Variants in DOCK3 observed in about 807,000 individuals in gnomAD.
The protein encoded by DOCK3 is dedicator of cytokinesis 3.
DOCK3 carries 60 observed loss-of-function variants against 265.6 expected under a neutral mutation model. That is an observed-to-expected ratio of 0.23 (90% CI 0.18 to 0.28). DOCK3 has a LOEUF of 0.28. DOCK3 is among the 10% of genes least tolerant of loss of function. The probability of loss-of-function intolerance (pLI) is 1.00; values close to 1 mark genes in which losing one functional copy is unlikely to be tolerated. For missense variants in DOCK3, 1,981 were observed against 2,594.3 expected (o/e 0.76, Z 5.14); for synonymous variants, 881 against 938.0 (o/e 0.94, Z 1.11).
At chr3:51,064,423 C>T in intron 5 of DOCK3, 25 bp from the exon 6 acceptor site, 3 of 1,612,668 alleles carry the variant, frequency 1.9e-6, no homozygotes, top group Non-Finnish European at 2.5e-6. Context: ...TTGTATTTCA[C>T]CCAACACCAA....
chr3:50,861,853 CG>C (rs1161717860), intron 3 of DOCK3, among the ~76,000 whole-genome samples: 74 of 115,892 alleles, frequency 6.4e-4, no homozygotes, highest in African/African-American at 1.9e-3. Flanking sequence ...AAGGTTGGGT[CG>C]TTTTTTTTTT....
At chr3:50,930,255 A>C (rs1174306331) in intron 4 of DOCK3, among the ~76,000 whole-genome samples, 2 of 152,242 alleles carry the variant, frequency 1.3e-5, no homozygotes, top group Non-Finnish European at 2.9e-5. Context: ...GTAAAACACA[A>C]CACTCCTTTA....
At chr3:51,016,577 A>G (rs1475584389) in intron 5 of DOCK3, among the ~76,000 whole-genome samples, 1 of 90,738 alleles carries the variant, frequency 1.1e-5, no homozygotes, top group Non-Finnish European at 1.9e-5. Context: ...ATATATATTT[A>G]TATATATCAT....
intron 5 of DOCK3, among the ~76,000 whole-genome samples, chr3:50,946,670 A>G (rs2076436854): frequency 6.6e-6 from 1 of 152,070 alleles, no homozygotes; most frequent in South Asian, 2.1e-4. Flanking sequence ...ATAAGAAATA[A>G]GAAGTAGTTT....
At chr3:51,136,262 T>G (rs2084790424) in intron 9 of DOCK3, among the ~76,000 whole-genome samples, 1 of 151,394 alleles carries the variant, frequency 6.6e-6, no homozygotes, top group Non-Finnish European at 1.5e-5. Context: ...GGAGTCTCGC[T>G]CGTCACCCAG....
At chr3:50,711,795 G>A (rs2036789861) in intron 1 of DOCK3, among the ~76,000 whole-genome samples, 1 of 152,104 alleles carries the variant, frequency 6.6e-6, no homozygotes, top group South Asian at 2.1e-4. Context: ...GAAGCCATCT[G>A]GGCTGTGCTT....
intron 33 of DOCK3, 126 bp from the exon 34 acceptor site, chr3:51,332,875 A>C: frequency 8.0e-7 from 1 of 1,247,980 alleles, no homozygotes; most frequent in Non-Finnish European, 1.1e-6. Flanking sequence ...GCTGGAGCCG[A>C]ACCCCTCCCT....
chr3:51,223,439 T>C (rs1033809184), intron 14 of DOCK3, among the ~76,000 whole-genome samples: 1 of 152,110 alleles, frequency 6.6e-6, no homozygotes, highest in Non-Finnish European at 1.5e-5. Context: ...CAGAATAACT[T>C]CCAGAGAGTT....
At position 51,160,435 on chromosome 3, in the gene DOCK3, T is replaced by A. The variant is rs2086070320; in HGVS notation, c.890-120T>A. On this transcript the variant is annotated intron_variant, in intron 11 of 52. Coordinates refer to ENST00000266037, the MANE Select transcript of DOCK3 (RefSeq NM_004947.5). ...TGGATGACTCCCTTCAGCCCTGTAG[T>A]CTTCACCTTAGAGGATTTCCTAGGT... 13 of 1,306,294 alleles carry A rather than the reference T, an allele frequency of 1.0e-5. No individual in the cohort carries two copies. The South Asian group carries it at 2.1e-4, about 21-fold the overall frequency. The allele number at this position is 1,306,294 out of a possible 1,614,324, so 80.9% of individuals were successfully genotyped here.
intron 5 of DOCK3, among the ~76,000 whole-genome samples, chr3:50,940,830 G>A (rs1352712906): frequency 6.6e-6 from 1 of 152,024 alleles, no homozygotes; most frequent in Non-Finnish European, 1.5e-5. Flanking sequence ...GTAGAGGAAC[G>A]ATAGTCTTTT....
chr3:51,246,915 C>T, intron 22 of DOCK3, 108 bp downstream of exon 22: 1 of 1,096,192 alleles, frequency 9.1e-7, no homozygotes, highest in Non-Finnish European at 1.3e-6. Context: ...AGTACCTGGC[C>T]TGCTTTCAGG....
rs527400061 is a variant in DOCK3, at chr3:51,249,605, G to T, written c.2184+2798G>T. 1.5e-4 allele frequency among the ~76,000 whole-genome samples: 18 copies of T among 123,938 alleles called. No individual in the cohort carries two copies. In the South Asian group the frequency reaches 4.6e-3, roughly 32 times the overall value. 81.3% of individuals were successfully genotyped at this position (123,938 alleles called of 152,430 possible). A position where few individuals can be genotyped will look rare whatever the true frequency, so the allele number is the denominator to read the frequency against. ...GCCCAGTCCGGGAGGGAGGTGGGGG[G>T]GTCAGCCCCCCGCCCGGCCAGCCGT... On this transcript the variant is annotated intron_variant, in intron 22 of 52. Transcript: ENST00000266037.
intron 1 of DOCK3, among the ~76,000 whole-genome samples, chr3:50,736,085 G>A (rs1421893264): frequency 6.6e-6 from 1 of 152,124 alleles, no homozygotes; most frequent in African/African-American, 2.4e-5. Context: ...GGTGTGTGAT[G>A]TTCCCTTTCC....
chr3:51,209,067 A>G (rs1272072079), intron 13 of DOCK3, among the ~76,000 whole-genome samples: 1 of 152,204 alleles, frequency 6.6e-6, no homozygotes, highest in African/African-American at 2.4e-5. Flanking sequence ...TGTTTTTTCT[A>G]TGATGAGTTC....
At chr3:51,197,332 G>A (rs2088365028) in intron 12 of DOCK3, among the ~76,000 whole-genome samples, 1 of 152,190 alleles carries the variant, frequency 6.6e-6, no homozygotes, top group South Asian at 2.1e-4. Flanking sequence ...GGTAGTGGCA[G>A]TGGTGGATTG....
chr3:51,158,460 C>T (rs1340838231), intron 10 of DOCK3, among the ~76,000 whole-genome samples: 3 of 152,132 alleles, frequency 2.0e-5, no homozygotes, highest in Middle Eastern at 3.2e-3. Context: ...GTGGGAGAAT[C>T]GCTTGACCCA....
chr3:51,350,405 A>G lies in DOCK3; in HGVS notation c.4107+13A>G. ...TTTCTTTCTTCGGGTGAGTCCATTC[A>G]GATGGTCACAAGAACTTATATATTT... On this transcript the variant is annotated intron_variant, in intron 40 of 52. Transcript: ENST00000266037. 6.2e-7 allele frequency: 1 copy of G among 1,605,198 alleles called. No individual in the cohort carries two copies.
chr3:50,889,261 G>T (rs1039896684), intron 3 of DOCK3, among the ~76,000 whole-genome samples: 7 of 151,868 alleles, frequency 4.6e-5, no homozygotes, highest in African/African-American at 1.5e-4. Flanking sequence ...CTTTCTAATT[G>T]TTTGTAGAGA....
intron 5 of DOCK3, among the ~76,000 whole-genome samples, chr3:51,054,093 T>A (rs2081107855): frequency 1.4e-5 from 2 of 148,004 alleles, no homozygotes; most frequent in South Asian, 4.3e-4. Context: ...ACTTCCTCAT[T>A]TGGTGAAGCA....
Sources: allele counts gnomAD v4.1 joint callset (sites outside exome capture counted in the v4.1 genomes callset), GRCh38; gene constraint gnomAD v4.1.1; transcripts MANE v1.5; gene names NCBI Gene and HGNC (gene_info 2026-07-23, HGNC 2026-07-21).